PRKG1: variants seen among roughly 807,000 people sequenced by gnomAD.
The protein encoded by PRKG1 is cGMP-dependent protein kinase 1.
PRKG1 carries 35 observed loss-of-function variants against 88.1 expected under a neutral mutation model. That is an observed-to-expected ratio of 0.40 (90% CI 0.30 to 0.53). PRKG1 has a LOEUF of 0.53. PRKG1 is among the 20% of genes least tolerant of loss of function. The pLI, the probability that PRKG1 is intolerant of heterozygous loss-of-function variation, is 0.59. For missense variants in PRKG1, 540 were observed against 839.8 expected, an observed-to-expected ratio of 0.64 and a Z score of 4.41; for synonymous variants, 303 against 292.5, an observed-to-expected ratio of 1.04 and a Z score of -0.37.
intron 1 of PRKG1, among the ~76,000 whole-genome samples, chr10:51,087,790 G>A (rs1374296106): frequency 6.6e-6 from 1 of 152,094 alleles, no homozygotes; most frequent in African/African-American, 2.4e-5. Flanking sequence ...TTTGAGACAT[G>A]GTCTCACTCT....
chr10:52,106,364 AAGTG>A (rs796458302), intron 7 of PRKG1, among the ~76,000 whole-genome samples: 5 of 152,278 alleles, frequency 3.3e-5, no homozygotes, highest in African/African-American at 1.2e-4. Context: ...TTGTTACTGT[AAGTG>A]TGTCCGATGT....
chr10:51,834,199 C>T (rs2132759855), intron 4 of PRKG1, among the ~76,000 whole-genome samples: 1 of 152,240 alleles, frequency 6.6e-6, no homozygotes, highest in South Asian at 2.1e-4. Context: ...GCCTCTTTTC[C>T]AAAGAGCTGA....
intron 4 of PRKG1, among the ~76,000 whole-genome samples, chr10:51,901,775 A>G (rs959814777): frequency 6.6e-6 from 1 of 152,220 alleles, no homozygotes; most frequent in Non-Finnish European, 1.5e-5. Flanking sequence ...GTTTTATAAC[A>G]TAATAATGGA....
intron 3 of PRKG1, among the ~76,000 whole-genome samples, chr10:51,529,145 C>T (rs1053099556): frequency 3.3e-5 from 5 of 152,010 alleles, no homozygotes; most frequent in African/African-American, 1.2e-4. Context: ...ACTTATTTCC[C>T]TCACCTCCCA....
chr10:52,161,590 G>T (rs1444104902), intron 8 of PRKG1, among the ~76,000 whole-genome samples: 2 of 152,024 alleles, frequency 1.3e-5, no homozygotes, highest in Non-Finnish European at 2.9e-5. Context: ...CATTTAGTGT[G>T]TCACAGACTT....
At chr10:51,273,544 TA>T (rs1840037632) in intron 2 of PRKG1, among the ~76,000 whole-genome samples, 1 of 152,110 alleles carries the variant, frequency 6.6e-6, no homozygotes, top group East Asian at 1.9e-4. Context: ...AATAATAAAA[TA>T]AAATCAGAAG....
intron 7 of PRKG1, among the ~76,000 whole-genome samples, chr10:52,095,923 G>A (rs889578554): frequency 6.6e-6 from 1 of 152,160 alleles, no homozygotes; most frequent in Non-Finnish European, 1.5e-5. Flanking sequence ...AGGTGCTGTG[G>A]GACCATAGCT....
chr10:51,699,479 G>A (rs770308185), intron 3 of PRKG1: 1 of 1,613,712 alleles, frequency 6.2e-7, no homozygotes, highest in Non-Finnish European at 8.5e-7. Flanking sequence ...TGCCTCATAT[G>A]GAATGTTCCC....
At chr10:51,715,602 C>G (rs1008238100) in intron 3 of PRKG1, among the ~76,000 whole-genome samples, 1 of 152,138 alleles carries the variant, frequency 6.6e-6, no homozygotes, top group African/African-American at 2.4e-5. Flanking sequence ...CAATAAACAT[C>G]TGTTAAAAAT....
intron 2 of PRKG1, among the ~76,000 whole-genome samples, chr10:51,352,228 C>T (rs777033080): frequency 2.6e-5 from 4 of 151,240 alleles, no homozygotes; most frequent in Non-Finnish European, 5.9e-5. Context: ...GCTATGCAGG[C>T]CCTTTTTTGG....
intron 4 of PRKG1, among the ~76,000 whole-genome samples, chr10:51,816,475 T>C (rs1420105250): frequency 6.6e-6 from 1 of 152,024 alleles, no homozygotes; most frequent in Non-Finnish European, 1.5e-5. Flanking sequence ...AAAATATTCC[T>C]TGGAAGTGCA....
chr10:51,520,521 A>G (rs1463194367), intron 3 of PRKG1, among the ~76,000 whole-genome samples: 4 of 152,088 alleles, frequency 2.6e-5, no homozygotes, highest in African/African-American at 7.2e-5. Flanking sequence ...GTTATCATCA[A>G]TGTCTAGCAG....
chr10:51,467,893 A>C, intron 3 of PRKG1, 57 bp downstream of exon 3: 1 of 1,395,050 alleles, frequency 7.2e-7, no homozygotes, highest in Non-Finnish European at 1.0e-6. Context: ...TAGGCCTTTG[A>C]GATGTTGTTT....
At chr10:52,159,954 T>C (rs1910539) in intron 8 of PRKG1, among the ~76,000 whole-genome samples, 8,977 of 151,958 alleles carry the variant, frequency 0.059, 793 homozygotes, top group African/African-American at 0.2. Context: ...TTTTGGATTT[T>C]GTTGTATTGT....
intron 3 of PRKG1, among the ~76,000 whole-genome samples, chr10:51,516,998 G>A (rs1183981166): frequency 2.0e-5 from 3 of 152,152 alleles, no homozygotes; most frequent in Non-Finnish European, 4.4e-5. Flanking sequence ...TCTCTGAGGA[G>A]AGATTGTATA....
At chr10:51,059,942 C>T (rs1172884812) in intron 1 of PRKG1, among the ~76,000 whole-genome samples, 1 of 152,124 alleles carries the variant, frequency 6.6e-6, no homozygotes, top group Non-Finnish European at 1.5e-5. Flanking sequence ...AGATTTGTCT[C>T]TATCTCTTCT....
rs1474587855 is a variant in PRKG1, at chr10:51,942,677, C to T, written c.762+35107C>T. Among the ~76,000 whole-genome samples the T allele has an allele frequency of 2.7e-5, 4 of 149,118 alleles. No homozygotes were observed. The East Asian group carries it at 7.8e-4, about 29-fold the overall frequency. On this transcript the variant is annotated intron_variant, in intron 5 of 17. Transcript: ENST00000373980. ...GTTTCAGCTTTCTACATATGGCTAG[C>T]CAGTTTTCCCAGCACCATTTATTAA...
intron 2 of PRKG1, among the ~76,000 whole-genome samples, chr10:51,384,650 C>G (rs1386638282): frequency 6.6e-6 from 1 of 152,084 alleles, no homozygotes; most frequent in African/African-American, 2.4e-5. Flanking sequence ...CCATTCTTCC[C>G]CTGGTCCTCT....
At chr10:51,917,318 CAA>C (rs1288522303) in intron 5 of PRKG1, among the ~76,000 whole-genome samples, 1,329 of 69,454 alleles carry the variant, frequency 0.019, 18 homozygotes, top group African/African-American at 0.048. Flanking sequence ...GACTCCATCT[CAA>C]AAAAAAAAAA....
Sources: allele counts gnomAD v4.1 joint callset (sites outside exome capture counted in the v4.1 genomes callset), GRCh38; gene constraint gnomAD v4.1.1; transcripts MANE v1.5; gene names NCBI Gene and HGNC (gene_info 2026-07-23, HGNC 2026-07-21).